Variants in TGFBR2 observed in about 807,000 individuals in gnomAD.
The protein encoded by TGFBR2 is TGF-beta receptor type-2.
In TGFBR2, 18 loss-of-function variants were observed where a neutral mutation model predicts 49.0. The ratio of observed to expected loss-of-function variants is 0.37; its 90% CI spans 0.25 to 0.54. The LOEUF (loss-of-function observed/expected upper bound fraction) is 0.54, where lower values mean the gene tolerates loss of function less well. Among genes scored for constraint, TGFBR2 ranks in the 20% least tolerant of loss-of-function variants. TGFBR2 has a pLI of 0.85. For missense variants in TGFBR2, 525 were observed against 722.6 expected (o/e 0.73, Z 3.13); for synonymous variants, 282 against 275.9 (o/e 1.02, Z -0.22).
At chr3:30,659,960 G>A in intron 3 of TGFBR2, among the ~76,000 whole-genome samples, 1 of 152,048 alleles carries the variant, frequency 6.6e-6, no homozygotes, top group East Asian at 1.9e-4. Context: ...TACTCCAGAG[G>A]CTGTATTCAC....
At chr3:30,689,315 C>T (rs181570364) in intron 6 of TGFBR2, among the ~76,000 whole-genome samples, 33 of 152,288 alleles carry the variant, frequency 2.2e-4, no homozygotes, top group African/African-American at 7.7e-4. Flanking sequence ...ATATGTCTGA[C>T]ACACCCAGGA....
intron 5 of TGFBR2, 97 bp from the exon 6 acceptor site, chr3:30,688,287 T>A: frequency 6.6e-7 from 1 of 1,511,126 alleles, no homozygotes; most frequent in Non-Finnish European, 9.2e-7. Context: ...TGTTACTTAG[T>A]GCTTCATGCT....
rs2125436193 is a variant in TGFBR2 at position 30,672,286 on chromosome 3, G to A, written c.1103G>A (p.Cys368Tyr). Residue 368 changes from cysteine (C) to tyrosine (Y), a missense_variant, in exon 4 of 7, where the codon TGT becomes TAT. Transcript: ENST00000295754. The surrounding 1 kb of genome is among the most constrained non-coding windows in gnomAD (Gnocchi z 4.5). ...CACCTCCACAGTGATCACACTCCATGTGGGAGGCCCAAGATGCCCATCGTG... is the reference window on the plus strand; with the variant it reads ...CACCTCCACAGTGATCACACTCCATATGGGAGGCCCAAGATGCCCATCGTG... Reference protein sequence around the residue: ...IAHLHSDHTPCGRPKMPIVHR... With the variant: ...IAHLHSDHTPYGRPKMPIVHR... 1.2e-6 allele frequency: 2 copies of A among 1,605,972 alleles called. No individual in the cohort carries two copies. The highest frequency in any genetic ancestry group is 2.2e-5 in the South Asian group (2 of 89,772).
intron 1 of TGFBR2, among the ~76,000 whole-genome samples, chr3:30,627,921 C>T (rs1698363150): frequency 1.3e-5 from 2 of 152,128 alleles, no homozygotes; most frequent in African/African-American, 2.4e-5. Flanking sequence ...CAAAGAGGTC[C>T]GTTCAGGTAA....
At chr3:30,652,190 C>T (rs1158719224) in intron 3 of TGFBR2, among the ~76,000 whole-genome samples, 1 of 151,124 alleles carries the variant, frequency 6.6e-6, no homozygotes, top group East Asian at 2.0e-4. Flanking sequence ...TTCTCATCCT[C>T]ATCCTGTAAA....
At position 30,691,827 on chromosome 3, in the gene TGFBR2, C is replaced by T; in HGVS notation, c.*228C>T. The T allele has an allele frequency of 1.8e-6, 1 of 548,716 alleles. No homozygotes were observed. Among genetic ancestry groups the T allele is most frequent in the Non-Finnish European group, 3.3e-6 (1 of 304,322 alleles). The allele number at this position is 548,716 out of a possible 1,614,324, so 34.0% of individuals were successfully genotyped here. On this transcript the variant is annotated 3_prime_UTR_variant, in exon 7 of 7. Transcript: ENST00000295754. ...AGGATAAGCTGTGTTAGCACTTCCTCAGGAAATGAGATTGATTTTTACAAT... is the reference window on the plus strand; with the variant it reads ...AGGATAAGCTGTGTTAGCACTTCCTTAGGAAATGAGATTGATTTTTACAAT...
intron 5 of TGFBR2, among the ~76,000 whole-genome samples, chr3:30,680,152 A>G (rs1177262714): frequency 7.5e-6 from 1 of 133,220 alleles, no homozygotes; most frequent in Admixed American, 8.4e-5. Context: ...AATAGTAGCT[A>G]TGATTCCTAT....
chr3:30,610,895 A>G (rs539699002), intron 1 of TGFBR2, among the ~76,000 whole-genome samples: 331 of 152,342 alleles, frequency 2.2e-3, no homozygotes, highest in Non-Finnish European at 3.7e-3. Flanking sequence ...GTCACTACAC[A>G]TACACACAAT....
chr3:30,664,297 A>G (rs1044838324), intron 3 of TGFBR2, among the ~76,000 whole-genome samples: 4 of 151,332 alleles, frequency 2.6e-5, no homozygotes, highest in Admixed American at 2.0e-4. Flanking sequence ...ATTTTTTTTT[A>G]ATCATCTGAG....
At chr3:30,615,336 C>T (rs1698110530) in intron 1 of TGFBR2, among the ~76,000 whole-genome samples, 1 of 152,182 alleles carries the variant, frequency 6.6e-6, no homozygotes, top group Non-Finnish European at 1.5e-5. Flanking sequence ...TAACAAGTGT[C>T]ATCAAGTCAA....
rs139456857 is a variant in TGFBR2, at chr3:30,606,937, G to C, written c.54G>C (p.Thr18=). The change falls in exon 1 of 7, where the codon ACG becomes ACC. Residue 18 remains threonine (T), a synonymous_variant. Coordinates refer to ENST00000295754, the MANE Select transcript of TGFBR2 (RefSeq NM_003242.6). ...GGCCGCTGCACATCGTCCTGTGGAC[G>C]CGTATCGCCAGCACGATCCCACCGC... is the stretch of plus-strand genomic sequence containing the variant. The part of the protein sequence containing the change: ...GLWPLHIVLW[T]RIASTIPPHV... 7 of 1,602,070 alleles carry C rather than the reference G, an allele frequency of 4.4e-6. No individual in the cohort carries two copies. In the African/African-American group the frequency reaches 6.7e-5, roughly 15 times the overall value.
chr3:30,636,783 G>A lies in TGFBR2; in HGVS notation c.95-7964G>A, dbSNP rs571244108. Among the ~76,000 whole-genome samples the A allele has an allele frequency of 2.6e-5, 4 of 151,970 alleles. No homozygotes were observed. The South Asian group carries it at 8.3e-4, about 32-fold the overall frequency. On this transcript the variant is annotated intron_variant, in intron 1 of 6. Coordinates refer to ENST00000295754, the MANE Select transcript of TGFBR2 (RefSeq NM_003242.6). ...GTATTCCCTTTAAAAAGCAGTAACA[G>A]GCCAGGCGTGGTGGCTCAAGCCTGT...
At chr3:30,607,948 T>G (rs1174512121) in intron 1 of TGFBR2, among the ~76,000 whole-genome samples, 2 of 146,844 alleles carry the variant, frequency 1.4e-5, no homozygotes, top group Non-Finnish European at 1.5e-5. Flanking sequence ...AAAGTTAGAT[T>G]TTTTTTTTTT....
chr3:30,635,947 T>C (rs987748904), intron 1 of TGFBR2, among the ~76,000 whole-genome samples: 3 of 152,126 alleles, frequency 2.0e-5, no homozygotes, highest in Admixed American at 6.6e-5. Context: ...ATTTCTGACC[T>C]CATGTTTGCA....
At chr3:30,642,671 T>C (rs1431241932) in intron 1 of TGFBR2, among the ~76,000 whole-genome samples, 3 of 152,194 alleles carry the variant, frequency 2.0e-5, no homozygotes, top group Non-Finnish European at 2.9e-5. Context: ...ACATACTCTA[T>C]ACAAAAAATA....
At chr3:30,645,198 C>G (rs987898063) in intron 2 of TGFBR2, among the ~76,000 whole-genome samples, 2 of 152,064 alleles carry the variant, frequency 1.3e-5, no homozygotes, top group Non-Finnish European at 2.9e-5. Context: ...AATCTGGAAA[C>G]TCTTTCTTGT....
Position 30,650,249 on chromosome 3 carries a change from C to A in TGFBR2, c.264-21C>A, listed in dbSNP as rs765865787. On this transcript the variant is annotated intron_variant, in intron 2 of 6. Coordinates refer to ENST00000295754, the MANE Select transcript of TGFBR2 (RefSeq NM_003242.6). ...CTCTCTCTCCCTCTCCCCTCGCTTC[C>A]AATGAATCTCTTCACTCTAGGAGAA... 3 of 1,612,312 alleles carry A rather than the reference C, an allele frequency of 1.9e-6. No individual in the cohort carries two copies. The African/African-American group carries it at 4.0e-5, about 22-fold the overall frequency.
intron 1 of TGFBR2, among the ~76,000 whole-genome samples, chr3:30,616,659 T>C (rs559682979): frequency 6.6e-6 from 1 of 152,298 alleles, no homozygotes; most frequent in Admixed American, 6.5e-5. Flanking sequence ...GTAGAATAAA[T>C]CATTGAAGTT....
intron 1 of TGFBR2, among the ~76,000 whole-genome samples, chr3:30,632,387 G>A (rs142672226): frequency 2.5e-4 from 38 of 152,254 alleles, no homozygotes; most frequent in Middle Eastern, 3.4e-3. Flanking sequence ...ACCTATGCTG[G>A]TTATGAACAA....
Sources: gnomAD v4.1 joint callset for allele counts (sites outside exome capture counted in the v4.1 genomes callset) on GRCh38, gnomAD v4.1.1 for gene constraint, Gnocchi (gnomAD v3.1) non-coding constraint, MANE v1.5 for transcripts, NCBI Gene and HGNC (gene_info 2026-07-23, HGNC 2026-07-21) for gene names.